ADAMTSL1: variants seen among roughly 807,000 people sequenced by gnomAD.
The protein encoded by ADAMTSL1 is ADAMTS like 1, also known as ADAMTS-like protein 1.
A neutral mutation model predicts 201.8 loss-of-function variants in ADAMTSL1; 126 were observed. The ratio of observed to expected loss-of-function variants is 0.62; its 90% CI spans 0.54 to 0.72. The LOEUF is 0.72. ADAMTSL1 is among the 30% of genes least tolerant of loss of function. The probability of loss-of-function intolerance (pLI) is 0.00; values close to 1 mark genes in which losing one functional copy is unlikely to be tolerated. For missense variants in ADAMTSL1, 2,679 were observed against 2,277.8 expected, an observed-to-expected ratio of 1.18 and a Z score of -3.59; for synonymous variants, 1,121 against 903.4, an observed-to-expected ratio of 1.24 and a Z score of -4.32.
intron 1 of ADAMTSL1, among the ~76,000 whole-genome samples, chr9:18,076,035 T>G (rs981631205): frequency 1.3e-5 from 2 of 152,206 alleles, no homozygotes; most frequent in Non-Finnish European, 2.9e-5. Context: ...AATCCCTGAT[T>G]CAAGAATGAG....
At chr9:18,103,712 AT>A (rs1248905557) in intron 1 of ADAMTSL1, among the ~76,000 whole-genome samples, 1 of 152,134 alleles carries the variant, frequency 6.6e-6, no homozygotes, top group Non-Finnish European at 1.5e-5. Context: ...CATATGAGGA[AT>A]TTTTTTGAAG....
rs1033952162 is a variant in ADAMTSL1, at chr9:18,094,272, C to G, written c.88-69590C>G. ...CCAGGGAGAAGAAACCTTTCTGCAGCTATTCTGTGGCTGGTCAGCAACAGC... is the reference window on the plus strand; with the variant it reads ...CCAGGGAGAAGAAACCTTTCTGCAGGTATTCTGTGGCTGGTCAGCAACAGC... On this transcript the variant is annotated intron_variant, in intron 1 of 29. Transcript: ENST00000680146. Among the ~76,000 whole-genome samples, 3 of 152,204 alleles carry G rather than the reference C, an allele frequency of 2.0e-5. No homozygotes were observed. In the South Asian group the frequency reaches 6.2e-4, roughly 32 times the overall value.
At chr9:18,720,861 C>T (rs537924834) in intron 14 of ADAMTSL1, among the ~76,000 whole-genome samples, 14 of 152,328 alleles carry the variant, frequency 9.2e-5, no homozygotes, top group African/African-American at 3.4e-4. Context: ...TAACCTTGTG[C>T]CAGTCACTGC....
At chr9:18,365,669 G>A (rs1311434845) in intron 2 of ADAMTSL1, among the ~76,000 whole-genome samples, 1 of 152,156 alleles carries the variant, frequency 6.6e-6, no homozygotes, top group African/African-American at 2.4e-5. Context: ...AGATCCTAAA[G>A]TGGAAAAGGG....
intron 6 of ADAMTSL1, among the ~76,000 whole-genome samples, chr9:18,637,776 C>A (rs1827193938): frequency 6.6e-6 from 1 of 152,050 alleles, no homozygotes; most frequent in African/African-American, 2.4e-5. Flanking sequence ...TGAAACCAAC[C>A]TTAAATATTT....
chr9:18,112,373 C>A (rs185844374), intron 1 of ADAMTSL1, among the ~76,000 whole-genome samples: 29 of 152,138 alleles, frequency 1.9e-4, no homozygotes, highest in Admixed American at 1.9e-3. Context: ...CTCCCATACT[C>A]CCTGGTATGA....
At chr9:18,258,905 G>C (rs1831802900) in intron 2 of ADAMTSL1, among the ~76,000 whole-genome samples, 1 of 152,102 alleles carries the variant, frequency 6.6e-6, no homozygotes, top group Admixed American at 6.5e-5. Context: ...TTCTGCGTAG[G>C]TCAGCAATGA....
At chr9:18,035,189 C>T (rs1028233280) in intron 1 of ADAMTSL1, among the ~76,000 whole-genome samples, 4 of 152,166 alleles carry the variant, frequency 2.6e-5, no homozygotes, top group Admixed American at 6.5e-5. Flanking sequence ...CTTTAAAATT[C>T]CCACAGCTGC....
In ADAMTSL1 at chr9:18,103,021, C is replaced by T. The variant is rs116756081; in HGVS notation, c.88-60841C>T. Among the ~76,000 whole-genome samples the T allele has an allele frequency of 3.6e-3, 547 of 152,180 alleles. 5 individuals are homozygous for T. The highest frequency in any genetic ancestry group is 0.012 in the African/African-American group (508 of 41,530). ...CCTTGACTCTTAGTATTCTCCCATC[C>T]CTATACGTGGGTTCTTATGCCACTT... On this transcript the variant is annotated intron_variant, in intron 1 of 29. Transcript: ENST00000680146.
At chr9:18,095,359 A>G (rs568101583) in intron 1 of ADAMTSL1, among the ~76,000 whole-genome samples, 41 of 151,832 alleles carry the variant, frequency 2.7e-4, no homozygotes, top group African/African-American at 9.6e-4. Context: ...TTGGCCAGGG[A>G]ATGACTCATC....
At chr9:17,995,745 A>G (rs1563939731) in intron 1 of ADAMTSL1, among the ~76,000 whole-genome samples, 1 of 151,826 alleles carries the variant, frequency 6.6e-6, no homozygotes, top group East Asian at 1.9e-4. Context: ...TATAATTAGT[A>G]TTTATATTAT....
At chr9:18,431,392 T>C (rs1045462786) in intron 2 of ADAMTSL1, among the ~76,000 whole-genome samples, 8 of 152,198 alleles carry the variant, frequency 5.3e-5, no homozygotes, top group Admixed American at 5.2e-4. Context: ...CAAGTCTCTC[T>C]TAGACTAAGC....
intron 11 of ADAMTSL1, 59 bp downstream of exon 11, chr9:18,680,575 A>C: frequency 6.3e-7 from 1 of 1,581,412 alleles, no homozygotes; most frequent in Non-Finnish European, 8.7e-7. Flanking sequence ...CCCTCTCATC[A>C]TCATGGCCCC....
intron 23 of ADAMTSL1, among the ~76,000 whole-genome samples, chr9:18,852,840 G>GTTTTGTAAAGTACGCTATAAAGTACTTTA (rs1826585724): frequency 1.3e-5 from 2 of 152,162 alleles, no homozygotes; most frequent in Non-Finnish European, 2.9e-5. Flanking sequence ...TTTGTAAACT[G>GTTTTGTAAAGTACGCTATAAAGTACTTTA]TAAAGTACGC....
At chr9:18,596,991 A>G (rs1345426544) in intron 4 of ADAMTSL1, among the ~76,000 whole-genome samples, 1 of 152,214 alleles carries the variant, frequency 6.6e-6, no homozygotes, top group Non-Finnish European at 1.5e-5. Flanking sequence ...CTTTTGTCTT[A>G]TATTAAATTT....
At chr9:18,070,546 C>T (rs1034642155) in intron 1 of ADAMTSL1, among the ~76,000 whole-genome samples, 1 of 152,024 alleles carries the variant, frequency 6.6e-6, no homozygotes, top group African/African-American at 2.4e-5. Context: ...TTTGAGGAAG[C>T]GTTTTGCACA....
At chr9:18,162,792 A>G (rs1827452906) in intron 1 of ADAMTSL1, among the ~76,000 whole-genome samples, 1 of 151,992 alleles carries the variant, frequency 6.6e-6, no homozygotes, top group Non-Finnish European at 1.5e-5. Flanking sequence ...AATGTGATAT[A>G]CCGTGTTCAT....
intron 2 of ADAMTSL1, among the ~76,000 whole-genome samples, chr9:18,398,787 G>A (rs1002414697): frequency 2.0e-5 from 3 of 152,142 alleles, no homozygotes; most frequent in African/African-American, 7.2e-5. Flanking sequence ...CTGATATACA[G>A]TAGGAGTAAG....
At chr9:18,059,909 A>G (rs943295071) in intron 1 of ADAMTSL1, among the ~76,000 whole-genome samples, 1 of 152,164 alleles carries the variant, frequency 6.6e-6, no homozygotes, top group East Asian at 1.9e-4. Context: ...TTGACTCAAA[A>G]GTCCTTAACA....
Sources: gnomAD v4.1 joint callset for allele counts (sites outside exome capture counted in the v4.1 genomes callset) on GRCh38, gnomAD v4.1.1 for gene constraint, MANE v1.5 for transcripts, NCBI Gene and HGNC (gene_info 2026-07-23, HGNC 2026-07-21) for gene names.